TMEM245: variants seen among roughly 807,000 people sequenced by gnomAD.
TMEM245 encodes transmembrane protein 245.
Under a neutral mutation model 101.2 loss-of-function variants are expected in TMEM245, and 69 were observed. That is an observed-to-expected ratio of 0.68 (90% CI 0.56 to 0.83). The LOEUF (loss-of-function observed/expected upper bound fraction) is 0.83. Ranked by LOEUF, TMEM245 falls within the 40% of genes least tolerant of loss-of-function variation. The probability of loss-of-function intolerance (pLI) is 0.00; values close to 1 mark genes in which losing one functional copy is unlikely to be tolerated. For missense variants in TMEM245, 1,075 were observed against 1,092.8 expected, an observed-to-expected ratio of 0.98 and a Z score of 0.23; for synonymous variants, 537 against 449.8, an observed-to-expected ratio of 1.19 and a Z score of -2.45.
chr9:109,067,895 C>A (rs917572505), intron 9 of TMEM245, among the ~76,000 whole-genome samples: 1 of 152,166 alleles, frequency 6.6e-6, no homozygotes, highest in Admixed American at 6.5e-5. Context: ...GGAGTATCTA[C>A]ATGAATCCCC....
At chr9:109,111,454 A>G (rs1460783348) in intron 1 of TMEM245, among the ~76,000 whole-genome samples, 2 of 152,204 alleles carry the variant, frequency 1.3e-5, no homozygotes, top group African/African-American at 4.8e-5. Context: ...AAAAAATAAG[A>G]GACTGCATAC....
At chr9:109,073,888 G>A (rs1166917205) in intron 8 of TMEM245, among the ~76,000 whole-genome samples, 3 of 122,940 alleles carry the variant, frequency 2.4e-5, no homozygotes, top group East Asian at 2.3e-4. Flanking sequence ...CCAGGTTCTC[G>A]CTCTGTCACC....
rs978921087 is a variant in TMEM245 at position 109,038,179 on chromosome 9, A to C, written c.2124-62T>G. On this transcript the variant is annotated intron_variant, in intron 14 of 17. Coordinates refer to ENST00000374586, the MANE Select transcript of TMEM245 (RefSeq NM_032012.4). ...ACAGTGTCATATCGTGATTCAGAAA[A>C]ATCACGTGACCACTTGATTCCAAAT... 4.6e-6 allele frequency: 6 copies of C among 1,313,220 alleles called. No individual in the cohort carries two copies. In the Admixed American group the frequency reaches 1.3e-4, roughly 28 times the overall value. The allele number at this position is 1,313,220 out of a possible 1,614,324, so 81.3% of individuals were successfully genotyped here. A position where few individuals can be genotyped will look rare whatever the true frequency, so the allele number is the denominator to read the frequency against.
intron 12 of TMEM245, among the ~76,000 whole-genome samples, chr9:109,055,853 C>T (rs1488725359): frequency 2.0e-5 from 3 of 152,262 alleles, no homozygotes; most frequent in South Asian, 4.1e-4. Flanking sequence ...AGGCTGATCT[C>T]AAACTCCCAA....
At chr9:109,060,957 T>C (rs1461829707) in intron 10 of TMEM245, among the ~76,000 whole-genome samples, 1 of 152,184 alleles carries the variant, frequency 6.6e-6, no homozygotes, top group East Asian at 1.9e-4. Context: ...CCCGGGTTTG[T>C]GGAAATCAAG....
intron 3 of TMEM245, among the ~76,000 whole-genome samples, chr9:109,102,682 AGT>A (rs1830309277): frequency 6.6e-6 from 1 of 152,264 alleles, no homozygotes; most frequent in Non-Finnish European, 1.5e-5. Flanking sequence ...ATCTGTAGAC[AGT>A]GAGATTTTGA....
rs1421035777 is a variant in TMEM245, at chr9:109,093,716, T to TG, written c.800-126dup. On this transcript the variant is annotated intron_variant, in intron 3 of 17. Coordinates refer to ENST00000374586, the MANE Select transcript of TMEM245 (RefSeq NM_032012.4). The stretch of plus-strand genomic sequence containing the variant: ...GGTTACTACTGACCCACTGAATAAG[T>TG]GGTTCTTCACCAAGGAAGAACCATT... 3.8e-6 allele frequency: 3 copies of TG among 779,318 alleles called. No individual in the cohort carries two copies. The African/African-American group carries it at 5.3e-5, about 14-fold the overall frequency. 48.3% of individuals were successfully genotyped at this position (779,318 alleles called of 1,614,324 possible).
intron 14 of TMEM245, among the ~76,000 whole-genome samples, chr9:109,047,415 C>T (rs1341142009): frequency 6.6e-6 from 1 of 152,152 alleles, no homozygotes; most frequent in African/African-American, 2.4e-5. Flanking sequence ...TTTCTAAATG[C>T]CACCCTCTTA....
In TMEM245 at chr9:109,016,922, TA is replaced by T. The variant is rs912704393; in HGVS notation, c.*3537del. 2.7e-5 allele frequency: 4 copies of T among 147,828 alleles called. No homozygotes were observed. Among genetic ancestry groups the T allele is most frequent in the African/African-American group, 9.9e-5 (4 of 40,278 alleles). The allele number at this position is 147,828 out of a possible 1,614,324, so 9.2% of individuals were successfully genotyped here. On this transcript the variant is annotated 3_prime_UTR_variant, in exon 18 of 18. Transcript: ENST00000374586. ...GTCAGGGCTAGAGTATGAGAAGTCC[TA>T]AGGGTTTTTGTATTTTGTTTTTTTT...
chr9:109,074,904 A>C (rs1588053988), intron 8 of TMEM245, among the ~76,000 whole-genome samples: 1 of 152,192 alleles, frequency 6.6e-6, no homozygotes, highest in East Asian at 1.9e-4. Flanking sequence ...GGGATAATCA[A>C]CTCAGGTGCA....
chr9:109,093,212 A>C (rs1353384777), intron 4 of TMEM245, among the ~76,000 whole-genome samples: 1 of 152,176 alleles, frequency 6.6e-6, no homozygotes, highest in Non-Finnish European at 1.5e-5. Context: ...AACAGAAGAA[A>C]AATAAGAAAA....
At chr9:109,072,541 T>C (rs373082776) in intron 9 of TMEM245, among the ~76,000 whole-genome samples, 2 of 152,214 alleles carry the variant, frequency 1.3e-5, no homozygotes, top group South Asian at 4.1e-4. Flanking sequence ...CCCACCTTCA[T>C]GAACTCTTAA....
chr9:109,045,581 A>G (rs1231267989), intron 14 of TMEM245, among the ~76,000 whole-genome samples: 1 of 152,260 alleles, frequency 6.6e-6, no homozygotes, highest in Non-Finnish European at 1.5e-5. Context: ...TAACTAAAAA[A>G]ATAACAAGGG....
intron 3 of TMEM245, among the ~76,000 whole-genome samples, chr9:109,098,654 G>A (rs1830204213): frequency 6.6e-6 from 1 of 151,908 alleles, no homozygotes; most frequent in African/African-American, 2.4e-5. Context: ...GTATTAGAAT[G>A]GTATTGTATT....
chr9:109,095,350 C>T (rs183815326), intron 3 of TMEM245, among the ~76,000 whole-genome samples: 90 of 152,238 alleles, frequency 5.9e-4, no homozygotes, highest in Non-Finnish European at 1.2e-3. Context: ...AATTAAATAA[C>T]CACACAAATA....
intron 12 of TMEM245, among the ~76,000 whole-genome samples, chr9:109,055,643 T>G (rs1311007393): frequency 6.6e-6 from 1 of 151,192 alleles, no homozygotes; most frequent in Non-Finnish European, 1.5e-5. Flanking sequence ...TTTTCTTTTT[T>G]TTTTTTTTAA....
At position 109,064,523 on chromosome 9, in the gene TMEM245, G is replaced by A. The variant is rs1357737273; in HGVS notation, c.1577C>T (p.Ala526Val). Residue 526 changes from alanine (A) to valine (V), a missense_variant, in exon 10 of 18, where the codon GCG becomes GTG. By Grantham distance (64) the Ala-to-Val change is moderately conservative. Coordinates refer to ENST00000374586, the MANE Select transcript of TMEM245 (RefSeq NM_032012.4). ...TCCATACTGATACACGTTGTTAGCC[G>A]CAGAATTCAGGGCTCTTTGGACTAC... ...AQVVQRALNS[A>V]ANNVYQYGRE... 2.5e-6 allele frequency: 4 copies of A among 1,613,566 alleles called. No individual in the cohort carries two copies. Among genetic ancestry groups the A allele is most frequent in the African/African-American group, 1.3e-5 (1 of 74,896 alleles).
intron 17 of TMEM245, among the ~76,000 whole-genome samples, chr9:109,025,089 T>A (rs1385179383): frequency 1.3e-5 from 2 of 152,138 alleles, no homozygotes; most frequent in African/African-American, 4.8e-5. Flanking sequence ...AGAAAGTAAA[T>A]CAAATGTACT....
At chr9:109,044,760 T>TG (rs1333902366) in intron 14 of TMEM245, among the ~76,000 whole-genome samples, 8 of 146,970 alleles carry the variant, frequency 5.4e-5, no homozygotes, top group Non-Finnish European at 1.0e-4. Context: ...TTTATCATTT[T>TG]GGTTTTTTTT....
Sources: allele counts gnomAD v4.1 joint callset (sites outside exome capture counted in the v4.1 genomes callset), GRCh38; gene constraint gnomAD v4.1.1; transcripts MANE v1.5; gene names NCBI Gene and HGNC (gene_info 2026-07-23, HGNC 2026-07-21).